Variants in PTPRD observed in about 807,000 individuals in gnomAD.
PTPRD encodes the protein protein tyrosine phosphatase receptor type D.
A neutral mutation model predicts 214.5 loss-of-function variants in PTPRD; 34 were observed. The observed-to-expected ratio is 0.16, with a 90% confidence interval of 0.12 to 0.21. The LOEUF (loss-of-function observed/expected upper bound fraction) is 0.21, where lower values mean the gene tolerates loss of function less well. Among genes scored for constraint, PTPRD ranks in the 10% least tolerant of loss-of-function variants. The pLI, the probability that PTPRD is intolerant of heterozygous loss-of-function variation, is 1.00. For missense variants in PTPRD, 2,545 were observed against 2,398.7 expected (o/e 1.06, Z -1.27); for synonymous variants, 1,128 against 845.7 (o/e 1.33, Z -5.79).
At chr9:8,657,135 G>A (rs959360696) in intron 12 of PTPRD, among the ~76,000 whole-genome samples, 1 of 150,266 alleles carries the variant, frequency 6.7e-6, no homozygotes, top group Non-Finnish European at 1.5e-5. Flanking sequence ...GTCTTCTTTT[G>A]AGAAGTGTCT....
chr9:10,550,384 A>G (rs1192857399), intron 2 of PTPRD, among the ~76,000 whole-genome samples: 1 of 152,198 alleles, frequency 6.6e-6, no homozygotes, highest in Non-Finnish European at 1.5e-5. Flanking sequence ...AGAGTCTGAC[A>G]TGATGATTTG....
rs77638202 is a variant in PTPRD, at chr9:8,449,080, G to C, written c.3988+645C>G. 2.6e-3 allele frequency among the ~76,000 whole-genome samples: 397 copies of C among 152,294 alleles called. 4 individuals are homozygous for C. Among genetic ancestry groups the C allele is most frequent in the African/African-American group, 9.1e-3 (376 of 41,546 alleles). On this transcript the variant is annotated intron_variant, in intron 34 of 45. Transcript: ENST00000381196. The stretch of plus-strand genomic sequence containing the variant: ...ACAATATTGTGCAGAAGGCCCCTCA[G>C]TAGGAATAGTAGTGTTCCTCTGTTG...
chr9:9,726,214 C>T (rs2098087833), intron 7 of PTPRD, among the ~76,000 whole-genome samples: 1 of 152,252 alleles, frequency 6.6e-6, no homozygotes, highest in Non-Finnish European at 1.5e-5. Flanking sequence ...CCATTCCATC[C>T]TACACCAAAA....
chr9:9,919,651 T>C (rs1170677981), intron 5 of PTPRD, among the ~76,000 whole-genome samples: 4 of 152,174 alleles, frequency 2.6e-5, no homozygotes, highest in African/African-American at 9.6e-5. Flanking sequence ...TAAGGCAGAC[T>C]ATATTGCAGC....
intron 36 of PTPRD, among the ~76,000 whole-genome samples, chr9:8,401,151 G>C (rs571913027): frequency 7.7e-5 from 11 of 142,120 alleles, no homozygotes; most frequent in South Asian, 2.3e-4. Flanking sequence ...GTCTTTATTT[G>C]AAAATATTTA....
At chr9:10,026,314 G>T (rs2096922713) in intron 4 of PTPRD, among the ~76,000 whole-genome samples, 1 of 152,140 alleles carries the variant, frequency 6.6e-6, no homozygotes, top group Non-Finnish European at 1.5e-5. Flanking sequence ...TAGACTACTA[G>T]CCTACAAATG....
At chr9:9,265,336 A>C (rs1282319168) in intron 9 of PTPRD, among the ~76,000 whole-genome samples, 2 of 151,604 alleles carry the variant, frequency 1.3e-5, no homozygotes. Context: ...ATCATAGTTC[A>C]CTGCAGCCTT....
intron 10 of PTPRD, among the ~76,000 whole-genome samples, chr9:9,127,592 A>G (rs766467549): frequency 6.6e-6 from 1 of 152,192 alleles, no homozygotes; most frequent in Non-Finnish European, 1.5e-5. Context: ...AGACTAGTCC[A>G]AAGTTCTGTT....
intron 8 of PTPRD, among the ~76,000 whole-genome samples, chr9:9,417,103 C>G (rs1038962298): frequency 3.3e-5 from 5 of 152,094 alleles, no homozygotes. Flanking sequence ...AAGCTGTTAT[C>G]CCATTCTTTG....
chr9:9,961,196 A>T (rs2094340096), intron 4 of PTPRD, among the ~76,000 whole-genome samples: 1 of 152,102 alleles, frequency 6.6e-6, no homozygotes, highest in Non-Finnish European at 1.5e-5. Flanking sequence ...GCTCACAAGC[A>T]GATACATACT....
At chr9:9,610,971 T>A (rs909587834) in intron 7 of PTPRD, among the ~76,000 whole-genome samples, 1 of 152,152 alleles carries the variant, frequency 6.6e-6, no homozygotes. Flanking sequence ...AAACAAGCAA[T>A]TAGGCACTCA....
At chr9:8,494,127 G>C (rs1470385572) in intron 26 of PTPRD, among the ~76,000 whole-genome samples, 2 of 152,004 alleles carry the variant, frequency 1.3e-5, no homozygotes, top group African/African-American at 4.8e-5. Context: ...CAATGTCATT[G>C]TCTTCCAAAT....
intron 11 of PTPRD, chr9:8,861,440 T>A (rs182656617): frequency 1.3e-5 from 2 of 152,330 alleles, no homozygotes; most frequent in Admixed American, 1.3e-4. Context: ...TTTATTTTTT[T>A]ATTTTTTTTG....
chr9:8,733,690 A>C (rs1367166437), intron 12 of PTPRD, 90 bp downstream of exon 12: 20 of 1,306,826 alleles, frequency 1.5e-5, no homozygotes, highest in Middle Eastern at 3.7e-4. Context: ...TCCAAAGGAA[A>C]TGTATTCAGA....
chr9:8,755,020 C>T (rs2093869812), intron 11 of PTPRD, among the ~76,000 whole-genome samples: 1 of 152,086 alleles, frequency 6.6e-6, no homozygotes, highest in Admixed American at 6.5e-5. Flanking sequence ...ACTCCACACT[C>T]ACCAGAATAA....
chr9:10,002,363 C>A (rs954968622), intron 4 of PTPRD, among the ~76,000 whole-genome samples: 9 of 145,334 alleles, frequency 6.2e-5, no homozygotes, highest in African/African-American at 2.2e-4. Flanking sequence ...TAAAGAATTC[C>A]AATTTAAATG....
chr9:9,721,844 A>G (rs1336159075), intron 7 of PTPRD, among the ~76,000 whole-genome samples: 1 of 152,098 alleles, frequency 6.6e-6, no homozygotes, highest in Non-Finnish European at 1.5e-5. Context: ...AGTGCATTGA[A>G]ATGTGGAATG....
At chr9:9,379,263 C>T (rs556640504) in intron 9 of PTPRD, among the ~76,000 whole-genome samples, 1 of 133,994 alleles carries the variant, frequency 7.5e-6, no homozygotes, top group African/African-American at 2.9e-5. Context: ...TGTGAATGTT[C>T]AATGTCCCTC....
chr9:9,503,211 G>A (rs905985082), intron 8 of PTPRD, among the ~76,000 whole-genome samples: 2 of 151,526 alleles, frequency 1.3e-5, no homozygotes, highest in Admixed American at 1.3e-4. Context: ...TCTTATTTTA[G>A]TTATAGCTCA....
Sources: gnomAD v4.1 joint callset for allele counts (sites outside exome capture counted in the v4.1 genomes callset) on GRCh38, gnomAD v4.1.1 for gene constraint, MANE v1.5 for transcripts, NCBI Gene and HGNC (gene_info 2026-07-23, HGNC 2026-07-21) for gene names.